Variants in MDGA2 observed in about 807,000 individuals in gnomAD.
The protein encoded by MDGA2 is MAM domain containing glycosylphosphatidylinositol anchor 2.
A neutral mutation model predicts 117.8 loss-of-function variants in MDGA2; 40 were observed. That is an observed-to-expected ratio of 0.34 (90% CI 0.26 to 0.44). The LOEUF is 0.44. Ranked by LOEUF, MDGA2 falls within the 20% of genes least tolerant of loss-of-function variation. The pLI, the probability that MDGA2 is intolerant of heterozygous loss-of-function variation, is 1.00. For synonymous variants in MDGA2, 452 were observed against 439.0 expected (o/e 1.03, Z -0.37); for missense variants, 1,123 against 1,250.6 (o/e 0.90, Z 1.54).
chr14:47,517,080 T>C (rs1894768909), intron 1 of MDGA2, among the ~76,000 whole-genome samples: 1 of 152,182 alleles, frequency 6.6e-6, no homozygotes, highest in Admixed American at 6.5e-5. Context: ...TTTATATATG[T>C]CAATAAATGT....
At chr14:47,457,673 C>T (rs12435529) in intron 1 of MDGA2, among the ~76,000 whole-genome samples, 48,758 of 151,826 alleles carry the variant, frequency 0.32, 8,333 homozygotes, top group East Asian at 0.59. Flanking sequence ...TTTCGTTTTC[C>T]TTTTCAGCTA....
chr14:47,595,499 G>A (rs555450751), intron 1 of MDGA2, among the ~76,000 whole-genome samples: 320 of 143,022 alleles, frequency 2.2e-3, no homozygotes, highest in Admixed American at 3.2e-3. Context: ...ACACCATCAC[G>A]CTCCAGCCTA....
At chr14:46,944,269 A>T (rs1268722847) in intron 9 of MDGA2, among the ~76,000 whole-genome samples, 1 of 152,030 alleles carries the variant, frequency 6.6e-6, no homozygotes, top group East Asian at 1.9e-4. Flanking sequence ...GTATTTTCAA[A>T]AGATATTTAA....
At chr14:47,625,551 G>A (rs1897125217) in intron 1 of MDGA2, among the ~76,000 whole-genome samples, 1 of 151,974 alleles carries the variant, frequency 6.6e-6, no homozygotes, top group Non-Finnish European at 1.5e-5. Flanking sequence ...CCATGACTTT[G>A]GATTATCAAA....
At chr14:47,224,956 G>C (rs1419295499) in intron 2 of MDGA2, among the ~76,000 whole-genome samples, 13 of 152,016 alleles carry the variant, frequency 8.6e-5, no homozygotes, top group Non-Finnish European at 1.9e-4. Context: ...GAGCATACAG[G>C]TTCAATTTTT....
At chr14:47,655,695 A>T (rs79258651) in intron 1 of MDGA2, among the ~76,000 whole-genome samples, 2,509 of 152,258 alleles carry the variant, frequency 0.016, 66 homozygotes, top group African/African-American at 0.056. Context: ...TTCCCCATCA[A>T]TAAGAAGGTA....
At chr14:47,201,742 TACAAAG>T (rs756007058) in intron 3 of MDGA2, among the ~76,000 whole-genome samples, 3 of 152,218 alleles carry the variant, frequency 2.0e-5, no homozygotes, top group Non-Finnish European at 2.9e-5. Flanking sequence ...ACCTTTGTAT[TACAAAG>T]ACAGTTTTTC....
intron 8 of MDGA2, among the ~76,000 whole-genome samples, chr14:47,008,113 G>T (rs1232883613): frequency 3.3e-5 from 5 of 151,738 alleles, no homozygotes. Flanking sequence ...TTCCATAATG[G>T]ATAAATATAT....
At chr14:47,662,392 T>C (rs1445774335) in intron 1 of MDGA2, among the ~76,000 whole-genome samples, 4 of 152,196 alleles carry the variant, frequency 2.6e-5, no homozygotes, top group Non-Finnish European at 2.9e-5. Context: ...TGTGTATGTA[T>C]ATGCACATGT....
Position 47,223,308 on chromosome 14 carries a change from C to A in MDGA2, c.421-5113G>T, listed in dbSNP as rs370176692. Among the ~76,000 whole-genome samples the A allele has an allele frequency of 1.3e-4, 20 of 152,168 alleles. No individual in the cohort carries two copies. The East Asian group carries it at 1.7e-3, about 13-fold the overall frequency. Reference sequence around the variant, plus strand: ...ACAGGAAAATATAAACCTTAAGTACCCTCTACATATTAAGGAATGAATGAA... The same window carrying A: ...ACAGGAAAATATAAACCTTAAGTACACTCTACATATTAAGGAATGAATGAA... On this transcript the variant is annotated intron_variant, in intron 2 of 16. Coordinates refer to ENST00000399232, the MANE Select transcript of MDGA2 (RefSeq NM_001113498.3).
intron 1 of MDGA2, among the ~76,000 whole-genome samples, chr14:47,473,994 G>A (rs1366496087): frequency 6.6e-6 from 1 of 152,096 alleles, no homozygotes; most frequent in Non-Finnish European, 1.5e-5. Context: ...AGTTAGCCAA[G>A]AGAAATAAAT....
intron 9 of MDGA2, among the ~76,000 whole-genome samples, chr14:46,948,516 G>A (rs1400448987): frequency 1.3e-5 from 2 of 151,922 alleles, no homozygotes; most frequent in African/African-American, 4.8e-5. Flanking sequence ...TCCAGGCACT[G>A]CTCTTACCCT....
intron 2 of MDGA2, among the ~76,000 whole-genome samples, chr14:47,255,251 G>A (rs746082081): frequency 2.6e-5 from 4 of 152,214 alleles, no homozygotes; most frequent in South Asian, 2.1e-4. Flanking sequence ...TAGGCAAAGC[G>A]TGGTAGTATG....
At chr14:47,049,545 T>C (rs939677466) in intron 7 of MDGA2, among the ~76,000 whole-genome samples, 5 of 152,054 alleles carry the variant, frequency 3.3e-5, no homozygotes, top group Non-Finnish European at 7.4e-5. Flanking sequence ...TATTTTTTTA[T>C]AATTTCGACT....
chr14:47,348,833 T>C (rs1229398439), intron 1 of MDGA2, among the ~76,000 whole-genome samples: 1 of 152,176 alleles, frequency 6.6e-6, no homozygotes, highest in Admixed American at 6.5e-5. Flanking sequence ...GCTGAATTTT[T>C]GAGTAGAAGA....
At chr14:47,515,577 T>G (rs1162417367) in intron 1 of MDGA2, among the ~76,000 whole-genome samples, 1 of 151,832 alleles carries the variant, frequency 6.6e-6, no homozygotes, top group African/African-American at 2.4e-5. Flanking sequence ...AGATGAGAGG[T>G]GAATCTAATC....
chr14:47,062,370 C>T (rs1251910245), intron 6 of MDGA2, among the ~76,000 whole-genome samples: 1 of 151,962 alleles, frequency 6.6e-6, no homozygotes, highest in East Asian at 1.9e-4. Flanking sequence ...GTAATGACTA[C>T]CAAAAGGCTG....
At chr14:47,668,073 T>G (rs1205998407) in intron 1 of MDGA2, among the ~76,000 whole-genome samples, 1 of 152,344 alleles carries the variant, frequency 6.6e-6, no homozygotes, top group East Asian at 1.9e-4. Context: ...AATCCTCTTC[T>G]GTAACTCCTA....
chr14:47,126,503 T>C lies in MDGA2; in HGVS notation c.925+5211A>G, dbSNP rs1881911168. 3.9e-5 allele frequency among the ~76,000 whole-genome samples: 6 copies of C among 152,204 alleles called. No homozygotes were observed. In the South Asian group the frequency reaches 1.2e-3, roughly 32 times the overall value. ...GGAGTCAACAAATTAATTAACACTTTCTCTGGCTGATATACAATTATGAGT... is the reference window on the plus strand; with the variant it reads ...GGAGTCAACAAATTAATTAACACTTCCTCTGGCTGATATACAATTATGAGT... On this transcript the variant is annotated intron_variant, in intron 5 of 16. Transcript: ENST00000399232.
Sources: allele counts gnomAD v4.1 joint callset (sites outside exome capture counted in the v4.1 genomes callset), GRCh38; gene constraint gnomAD v4.1.1; transcripts MANE v1.5; gene names NCBI Gene and HGNC (gene_info 2026-07-23, HGNC 2026-07-21).